The following DENND1B variants were observed in gnomAD, a reference collection of about 807,000 sequenced individuals.
The protein encoded by DENND1B is DENN domain-containing protein 1B.
In DENND1B, 59 loss-of-function variants were observed where a neutral mutation model predicts 90.1. The ratio of observed to expected loss-of-function variants is 0.65; its 90% CI spans 0.53 to 0.81. The LOEUF (loss-of-function observed/expected upper bound fraction) is 0.81, where lower values mean the gene tolerates loss of function less well. Among genes scored for constraint, DENND1B ranks in the 40% least tolerant of loss-of-function variants. DENND1B has a pLI of 0.00. For missense variants in DENND1B, 862 were observed against 912.6 expected (o/e 0.94, Z 0.71); for synonymous variants, 337 against 324.6 (o/e 1.04, Z -0.41).
At chr1:197,707,736 G>T (rs903185885) in intron 3 of DENND1B, among the ~76,000 whole-genome samples, 2 of 148,410 alleles carry the variant, frequency 1.3e-5, no homozygotes, top group African/African-American at 2.5e-5. Flanking sequence ...CAAGATGGCC[G>T]AATAGGAACA....
At chr1:197,629,070 C>T (rs911316360) in intron 10 of DENND1B, among the ~76,000 whole-genome samples, 1 of 152,166 alleles carries the variant, frequency 6.6e-6, no homozygotes, top group African/African-American at 2.4e-5. Flanking sequence ...CACTTTTACA[C>T]TGTTGGTGGG....
chr1:197,560,570 A>C (rs1423699232), intron 15 of DENND1B, among the ~76,000 whole-genome samples: 1 of 151,828 alleles, frequency 6.6e-6, no homozygotes. Flanking sequence ...GTTTAATGGG[A>C]AAAGAGGATT....
rs1326682289 is a variant in DENND1B, at chr1:197,561,575, A to G, written c.1150-8463T>C. 4.0e-5 allele frequency among the ~76,000 whole-genome samples: 6 copies of G among 151,854 alleles called. No individual in the cohort carries two copies. The South Asian group carries it at 1.2e-3, about 31-fold the overall frequency. On this transcript the variant is annotated intron_variant, in intron 15 of 22. Transcript: ENST00000620048. ...CTACATGCTGATGACTCCAAAATGTATATACCTCCAGTCCAGTATTCTCCC... is the reference window on the plus strand; with the variant it reads ...CTACATGCTGATGACTCCAAAATGTGTATACCTCCAGTCCAGTATTCTCCC...
At chr1:197,609,455 G>A (rs921174250) in intron 12 of DENND1B, among the ~76,000 whole-genome samples, 5 of 150,518 alleles carry the variant, frequency 3.3e-5, no homozygotes, top group African/African-American at 7.3e-5. Flanking sequence ...TATTCCTAAT[G>A]ACCTGCAGGC....
At chr1:197,666,080 A>G (rs1413214898) in intron 5 of DENND1B, among the ~76,000 whole-genome samples, 1 of 152,198 alleles carries the variant, frequency 6.6e-6, no homozygotes, top group Non-Finnish European at 1.5e-5. Flanking sequence ...GTCATAATAC[A>G]CTACTGGTAA....
At chr1:197,572,169 A>C (rs1216380386) in intron 15 of DENND1B, among the ~76,000 whole-genome samples, 9 of 152,134 alleles carry the variant, frequency 5.9e-5, no homozygotes, top group African/African-American at 2.2e-4. Flanking sequence ...TAGCCAAGGG[A>C]AATCGTGACA....
intron 3 of DENND1B, chr1:197,690,378 T>C (rs1245268614): frequency 5.9e-6 from 1 of 170,140 alleles, no homozygotes; most frequent in African/African-American, 2.4e-5. Context: ...CAAGTTTGCT[T>C]GATTGAAGCA....
intron 2 of DENND1B, among the ~76,000 whole-genome samples, chr1:197,748,354 TAA>T (rs1652984298): frequency 6.6e-6 from 1 of 152,226 alleles, no homozygotes; most frequent in East Asian, 1.9e-4. Context: ...GAAGAATTTT[TAA>T]AAAGAGTTAT....
At chr1:197,598,467 G>A (rs958133240) in intron 13 of DENND1B, among the ~76,000 whole-genome samples, 1 of 151,788 alleles carries the variant, frequency 6.6e-6, no homozygotes, top group African/African-American at 2.4e-5. Context: ...AGTTACCAAT[G>A]CCCTTTGCAG....
chr1:197,727,313 A>C (rs1159351103), intron 2 of DENND1B, among the ~76,000 whole-genome samples: 1 of 152,100 alleles, frequency 6.6e-6, no homozygotes, highest in African/African-American at 2.4e-5. Context: ...AGGAAGGTGG[A>C]CCATGAGGTC....
rs74566816 is a variant in DENND1B at position 197,767,233 on chromosome 1, G to A, written c.82+5635C>T. Among the ~76,000 whole-genome samples, 1,384 of 152,128 alleles carry A rather than the reference G, an allele frequency of 9.1e-3. 20 individuals are homozygous for A. The highest frequency in any genetic ancestry group is 0.03 in the African/African-American group (1,263 of 41,480). On this transcript the variant is annotated intron_variant, in intron 2 of 22. Coordinates refer to ENST00000620048, the MANE Select transcript of DENND1B (RefSeq NM_001195215.2). ...GGCAAACATACATTTAGACACATCA[G>A]TATTTCTCTAAATGACCATATTAAA...
chr1:197,571,504 T>C (rs1442290226), intron 15 of DENND1B, among the ~76,000 whole-genome samples: 1 of 152,360 alleles, frequency 6.6e-6, no homozygotes, highest in East Asian at 1.9e-4. Flanking sequence ...ATTCCTTCTT[T>C]AGACGTAGCT....
At chr1:197,606,857 TC>T (rs1272060948) in intron 13 of DENND1B, 1 of 451,616 alleles carries the variant, frequency 2.2e-6, no homozygotes. Flanking sequence ...TTAATTATGA[TC>T]TTACTTTTAC....
chr1:197,554,653 CATGGTGAAA>C (rs1671549773), intron 15 of DENND1B, among the ~76,000 whole-genome samples: 1 of 151,338 alleles, frequency 6.6e-6, no homozygotes, highest in Non-Finnish European at 1.5e-5. Flanking sequence ...TCCTAGCCAA[CATGGTGAAA>C]CTCCATCTCT....
intron 15 of DENND1B, among the ~76,000 whole-genome samples, chr1:197,572,030 G>C (rs987173962): frequency 3.3e-5 from 5 of 152,098 alleles, no homozygotes; most frequent in Non-Finnish European, 7.4e-5. Flanking sequence ...CTGCATTTCC[G>C]ATTGAGGTAC....
intron 10 of DENND1B, among the ~76,000 whole-genome samples, chr1:197,632,559 T>C (rs1351711444): frequency 6.6e-6 from 1 of 152,140 alleles, no homozygotes; most frequent in Non-Finnish European, 1.5e-5. Flanking sequence ...AATCACAAAT[T>C]AGTAACTCTG....
intron 3 of DENND1B, among the ~76,000 whole-genome samples, chr1:197,695,609 T>C (rs919995854): frequency 6.6e-6 from 1 of 151,002 alleles, no homozygotes; most frequent in Non-Finnish European, 1.5e-5. Context: ...GAATTTACTA[T>C]TACATATCAA....
intron 15 of DENND1B, among the ~76,000 whole-genome samples, chr1:197,582,607 A>T (rs1198081430): frequency 6.6e-6 from 1 of 152,206 alleles, no homozygotes; most frequent in Non-Finnish European, 1.5e-5. Context: ...CTGAAATCTG[A>T]TGTCTAGTTA....
At chr1:197,652,496 C>T (rs1006852746) in intron 6 of DENND1B, among the ~76,000 whole-genome samples, 181 bp from the exon 7 acceptor site, 2 of 151,928 alleles carry the variant, frequency 1.3e-5, no homozygotes, top group Admixed American at 6.6e-5. Flanking sequence ...AATATGAAAA[C>T]ATATTTAAAT....
Sources: allele counts gnomAD v4.1 joint callset (sites outside exome capture counted in the v4.1 genomes callset), GRCh38; gene constraint gnomAD v4.1.1; transcripts MANE v1.5; gene names NCBI Gene and HGNC (gene_info 2026-07-23, HGNC 2026-07-21).